The following ROBO2 variants were observed in gnomAD, a reference collection of about 807,000 sequenced individuals.
The protein encoded by ROBO2 is roundabout guidance receptor 2.
In ROBO2, 53 loss-of-function variants were observed where a neutral mutation model predicts 160.8. That is an observed-to-expected ratio of 0.33 (90% CI 0.26 to 0.41). The LOEUF (loss-of-function observed/expected upper bound fraction) is 0.41. Among genes scored for constraint, ROBO2 ranks in the 10% least tolerant of loss-of-function variants. The pLI, the probability that ROBO2 is intolerant of heterozygous loss-of-function variation, is 1.00. For missense variants in ROBO2, 1,577 were observed against 1,722.4 expected, an observed-to-expected ratio of 0.92 and a Z score of 1.49; for synonymous variants, 664 against 611.7, an observed-to-expected ratio of 1.09 and a Z score of -1.26.
intron 2 of ROBO2, among the ~76,000 whole-genome samples, chr3:77,450,353 C>A (rs912769157): frequency 6.6e-6 from 1 of 152,000 alleles, no homozygotes. Context: ...AGAAAAAGGG[C>A]CCTGGATTTC....
intron 21 of ROBO2, among the ~76,000 whole-genome samples, chr3:77,610,416 T>TA (rs1337201916): frequency 6.6e-6 from 1 of 152,054 alleles, no homozygotes; most frequent in East Asian, 1.9e-4. Flanking sequence ...TTTTGTATGA[T>TA]AAGCCCTAGC....
At position 76,392,775 on chromosome 3, in the gene ROBO2, T is replaced by C. The variant is rs2077220674; in HGVS notation, c.109+455173T>C. 2.6e-5 allele frequency among the ~76,000 whole-genome samples: 4 copies of C among 152,178 alleles called. No homozygotes were observed. In the South Asian group the frequency reaches 8.3e-4, roughly 32 times the overall value. The stretch of plus-strand genomic sequence containing the variant: ...CCTGGTACCATTTAAATCTACCAAG[T>C]TCTACATTTTATATAGGCTGGGATA... On this transcript the variant is annotated intron_variant, in intron 2 of 26. Coordinates refer to the ROBO2 transcript ENST00000487694.
intron 2 of ROBO2, among the ~76,000 whole-genome samples, chr3:77,342,769 T>C (rs1196501962): frequency 6.6e-6 from 1 of 152,138 alleles, no homozygotes; most frequent in South Asian, 2.1e-4. Flanking sequence ...TGCAAGTACC[T>C]TTATGTTGGA....
chr3:76,392,964 T>TTGGC (rs1176257147), intron 2 of ROBO2, among the ~76,000 whole-genome samples: 1 of 152,176 alleles, frequency 6.6e-6, no homozygotes, highest in African/African-American at 2.4e-5. Flanking sequence ...GAAACAAGGA[T>TTGGC]TGGCTTCCAT....
chr3:77,461,755 G>A (rs1041770266), intron 2 of ROBO2, among the ~76,000 whole-genome samples: 57 of 148,714 alleles, frequency 3.8e-4, no homozygotes, highest in African/African-American at 1.2e-3. Context: ...TTGAGACAGA[G>A]TCTCTCTCTG....
chr3:77,555,399 T>C (rs899891073), intron 8 of ROBO2, among the ~76,000 whole-genome samples: 1 of 152,020 alleles, frequency 6.6e-6, no homozygotes, highest in Non-Finnish European at 1.5e-5. Context: ...TCTGGAAATA[T>C]TTATAATTCA....
At chr3:76,930,157 G>A (rs1037335700) in intron 2 of ROBO2, among the ~76,000 whole-genome samples, 4 of 152,072 alleles carry the variant, frequency 2.6e-5, no homozygotes, top group Non-Finnish European at 4.4e-5. Flanking sequence ...CCCTGGTAGT[G>A]GGACTACAGG....
chr3:77,277,168 CTTTCT>C lies in ROBO2; in HGVS notation c.388+178831_388+178835del, dbSNP rs1261498151. Among the ~76,000 whole-genome samples the C allele has an allele frequency of 6.2e-3, 582 of 93,472 alleles. 4 individuals carry two copies. Among genetic ancestry groups the C allele is most frequent in the Non-Finnish European group, 7.6e-3 (361 of 47,362 alleles). The allele number at this position is 93,472 out of a possible 152,430, so 61.3% of individuals were successfully genotyped here. On this transcript the variant is annotated intron_variant, in intron 2 of 25. Coordinates refer to ENST00000461745, the Ensembl canonical transcript of ROBO2. ...TCTTTCCTTCTTTCCTTCTTTCTTT[CTTTCT>C]TTCTTTCTTTCTTTCTTTCTTTCTT...
Position 76,665,052 on chromosome 3 carries a change from T to C in ROBO2, c.110-432962T>C, listed in dbSNP as rs75080903. On this transcript the variant is annotated intron_variant, in intron 2 of 26. Transcript: ENST00000487694. ...CAGATGACATTTGATAGCACCATTT[T>C]TTTCCAATATTTTGAGATCCACCAA... 4.2e-3 allele frequency among the ~76,000 whole-genome samples: 634 copies of C among 152,252 alleles called. 7 individuals carry two copies. Among genetic ancestry groups the C allele is most frequent in the African/African-American group, 0.014 (600 of 41,560 alleles).
At chr3:77,333,947 A>T (rs950619612) in intron 2 of ROBO2, among the ~76,000 whole-genome samples, 2 of 151,910 alleles carry the variant, frequency 1.3e-5, no homozygotes, top group Admixed American at 1.3e-4. Context: ...CATTTTACTG[A>T]TAAATTCATT....
At chr3:76,854,015 ACTTT>A (rs1214441262) in intron 2 of ROBO2, among the ~76,000 whole-genome samples, 1 of 108,102 alleles carries the variant, frequency 9.3e-6, no homozygotes, top group African/African-American at 3.4e-5. Flanking sequence ...AAAAGCATAG[ACTTT>A]CTCTCTCTCT....
chr3:76,657,657 C>CATATATGTGTGT (rs1560319158), intron 2 of ROBO2, among the ~76,000 whole-genome samples: 6 of 130,970 alleles, frequency 4.6e-5, no homozygotes, highest in African/African-American at 2.0e-4. Flanking sequence ...TATATATATT[C>CATATATGTGTGT]ATATATATGT....
chr3:77,037,451 T>C (rs1189314627), upstream of ROBO2, among the ~76,000 whole-genome samples: 1 of 152,158 alleles, frequency 6.6e-6, no homozygotes, highest in East Asian at 1.9e-4. Context: ...GTAAAGTAGT[T>C]AAGAATGCAA....
chr3:77,541,196 A>G (rs1021967127), intron 6 of ROBO2, among the ~76,000 whole-genome samples: 4 of 152,208 alleles, frequency 2.6e-5, no homozygotes, highest in Admixed American at 6.5e-5. Flanking sequence ...TAGCTGTTGC[A>G]TGACTCTCTC....
chr3:76,291,930 G>C (rs1708823588), intron 2 of ROBO2, among the ~76,000 whole-genome samples: 1 of 151,790 alleles, frequency 6.6e-6, no homozygotes, highest in Non-Finnish European at 1.5e-5. Flanking sequence ...CTTTATGGCT[G>C]AGCATGTAGT....
In ROBO2 at chr3:76,120,396, ATACT is replaced by A. The variant is rs541552173; in HGVS notation, c.109+182803_109+182806del. 2.4e-3 allele frequency among the ~76,000 whole-genome samples: 360 copies of A among 152,240 alleles called. 1 individual carries two copies. The highest frequency in any genetic ancestry group is 7.1e-3 in the African/African-American group (296 of 41,538). ...AAACTTATGTTTGCAGAATTTAGTAATACTTACTTACTCTACCATATAATCTGCT... is the reference window on the plus strand; with the variant it reads ...AAACTTATGTTTGCAGAATTTAGTAATACTTACTCTACCATATAATCTGCT... On this transcript the variant is annotated intron_variant, in intron 2 of 26. Transcript: ENST00000487694.
chr3:77,267,486 A>G (rs914269462), intron 2 of ROBO2, among the ~76,000 whole-genome samples: 4 of 152,166 alleles, frequency 2.6e-5, no homozygotes, highest in Admixed American at 2.0e-4. Flanking sequence ...TCTCTGTGAC[A>G]TGTTCCACCA....
chr3:76,872,046 A>T (rs1220305390), intron 2 of ROBO2, among the ~76,000 whole-genome samples: 2 of 152,180 alleles, frequency 1.3e-5, no homozygotes, highest in Admixed American at 1.3e-4. Context: ...AATGTCACTG[A>T]AATATTAATC....
chr3:76,675,808 T>A (rs150904780), intron 2 of ROBO2, among the ~76,000 whole-genome samples: 3 of 152,272 alleles, frequency 2.0e-5, no homozygotes, highest in African/African-American at 4.8e-5. Flanking sequence ...ATATTCCAAA[T>A]GTACAAAAGT....
Sources: gnomAD v4.1 joint callset for allele counts (sites outside exome capture counted in the v4.1 genomes callset) on GRCh38, gnomAD v4.1.1 for gene constraint, MANE v1.5 for transcripts, NCBI Gene and HGNC (gene_info 2026-07-23, HGNC 2026-07-21) for gene names.